HPSE2: variants seen among roughly 807,000 people sequenced by gnomAD.
HPSE2 encodes heparanase 2 (inactive), also known as inactive heparanase-2.
A neutral mutation model predicts 60.5 loss-of-function variants in HPSE2; 38 were observed. The ratio of observed to expected loss-of-function variants is 0.63; its 90% CI spans 0.48 to 0.82. The LOEUF is 0.82. Among genes scored for constraint, HPSE2 ranks in the 40% least tolerant of loss-of-function variants. The pLI is 0.00. For missense variants in HPSE2, 713 were observed against 740.4 expected, an observed-to-expected ratio of 0.96 and a Z score of 0.43; for synonymous variants, 295 against 293.2, an observed-to-expected ratio of 1.01 and a Z score of -0.06.
intron 3 of HPSE2, among the ~76,000 whole-genome samples, chr10:99,095,007 G>A (rs775355682): frequency 5.3e-5 from 8 of 152,036 alleles, no homozygotes; most frequent in Non-Finnish European, 1.2e-4. Flanking sequence ...GGGCAACAAA[G>A]TGAGACTCCA....
intron 3 of HPSE2, among the ~76,000 whole-genome samples, chr10:99,121,219 C>T (rs1844939737): frequency 6.6e-6 from 1 of 152,080 alleles, no homozygotes; most frequent in African/African-American, 2.4e-5. Context: ...CATGCTCTCA[C>T]TTACAAGTGG....
At chr10:98,611,002 C>T (rs892480484) in intron 9 of HPSE2, among the ~76,000 whole-genome samples, 5 of 152,218 alleles carry the variant, frequency 3.3e-5, no homozygotes, top group African/African-American at 1.2e-4. Flanking sequence ...ATGTGCAGAT[C>T]TCTTCTGCAC....
chr10:99,110,357 CA>C (rs1427554988), intron 3 of HPSE2, among the ~76,000 whole-genome samples: 1 of 152,152 alleles, frequency 6.6e-6, no homozygotes, highest in Non-Finnish European at 1.5e-5. Context: ...AGGGTATGTG[CA>C]AAAGCTCCAC....
Position 98,630,018 on chromosome 10 carries a change from C to A in HPSE2, c.1099-9310G>T, listed in dbSNP as rs549694297. On this transcript the variant is annotated intron_variant, in intron 7 of 11. Coordinates refer to ENST00000370552, the MANE Select transcript of HPSE2 (RefSeq NM_021828.5). ...AGACACGATAAAATAAAGTTGAGAACCACCGAACCACAGGATAAGATGCTA... is the reference window on the plus strand; with the variant it reads ...AGACACGATAAAATAAAGTTGAGAAACACCGAACCACAGGATAAGATGCTA... Among the ~76,000 whole-genome samples, 20 of 152,152 alleles carry A rather than the reference C, an allele frequency of 1.3e-4. No homozygotes were observed. In the South Asian group the frequency reaches 3.9e-3, roughly 30 times the overall value.
In HPSE2 at chr10:98,490,173, G is replaced by A. The variant is rs576517141; in HGVS notation, c.1344C>T (p.Tyr448=). ...PLPDYWLSLL[Y]KRLIGPKVLA... is the part of the protein sequence containing the mutation. ...AGACTTTGGGGCCGATCAGGCGCTT[G>A]TAGAGGAGAGAGAGCCAGTAGTCCT... Residue 448 remains tyrosine (Y), a synonymous_variant, in exon 10 of 12, where the codon TAC becomes TAT. Transcript: ENST00000370552. 3.9e-5 allele frequency: 63 copies of A among 1,614,186 alleles called. No individual in the cohort carries two copies. In the East Asian group the frequency reaches 7.6e-4, roughly 19 times the overall value.
chr10:99,026,211 G>A (rs1438073546), intron 3 of HPSE2, among the ~76,000 whole-genome samples: 2 of 151,940 alleles, frequency 1.3e-5, no homozygotes, highest in East Asian at 3.9e-4. Flanking sequence ...AAGAACCATT[G>A]ATCTGCTGCC....
At chr10:98,651,773 CTTT>C (rs35835305) in intron 6 of HPSE2, among the ~76,000 whole-genome samples, 1 of 142,676 alleles carries the variant, frequency 7.0e-6, no homozygotes, top group Non-Finnish European at 1.5e-5. Flanking sequence ...GAACTAGTTC[CTTT>C]TTTTTTTTTT....
chr10:99,128,290 A>G (rs1047283376), intron 3 of HPSE2, among the ~76,000 whole-genome samples: 9 of 152,298 alleles, frequency 5.9e-5, no homozygotes, highest in Non-Finnish European at 1.2e-4. Flanking sequence ...AAGACCTAGA[A>G]CCAGAAATAC....
Position 98,721,647 on chromosome 10 carries a change from T to A in HPSE2, c.956+10A>T, listed in dbSNP as rs1277948345. 2 of 1,612,412 alleles carry A rather than the reference T, an allele frequency of 1.2e-6. No homozygotes were observed. The highest frequency in any genetic ancestry group is 1.7e-6 in the Non-Finnish European group (2 of 1,179,114). ...CAATGTCATAAGAAAAGCTAAATAA[T>A]CTGACCTACCCATCTAGGAGGGCGA... On this transcript the variant is annotated intron_variant, in intron 5 of 11. Coordinates refer to ENST00000370552, the MANE Select transcript of HPSE2 (RefSeq NM_021828.5).
chr10:99,087,802 G>C (rs1843375279), intron 3 of HPSE2, among the ~76,000 whole-genome samples: 1 of 152,004 alleles, frequency 6.6e-6, no homozygotes, highest in Non-Finnish European at 1.5e-5. Flanking sequence ...AAAACAGGAA[G>C]TTTTATTTCA....
intron 3 of HPSE2, among the ~76,000 whole-genome samples, chr10:99,024,257 A>C (rs943687405): frequency 2.0e-5 from 3 of 152,230 alleles, no homozygotes; most frequent in African/African-American, 7.2e-5. Context: ...CATAAGAAAT[A>C]GCTTGAAGAC....
intron 2 of HPSE2, among the ~76,000 whole-genome samples, chr10:99,171,432 T>TG (rs912400819): frequency 2.0e-5 from 3 of 151,786 alleles, no homozygotes; most frequent in Non-Finnish European, 4.4e-5. Context: ...AATTTAGATG[T>TG]GGGAAAAAAA....
chr10:99,161,261 C>T (rs1173241801), intron 2 of HPSE2, among the ~76,000 whole-genome samples: 2 of 150,772 alleles, frequency 1.3e-5, no homozygotes, highest in Admixed American at 6.6e-5. Context: ...TTTATAGTAG[C>T]ATTATGCATA....
Position 98,936,453 on chromosome 10 carries a change from C to G in HPSE2, c.611-192397G>C, listed in dbSNP as rs1057367297. Among the ~76,000 whole-genome samples the G allele has an allele frequency of 5.6e-5, 8 of 143,034 alleles. 1 individual carries two copies. Among genetic ancestry groups the G allele is most frequent in the Admixed American group, 5.6e-4 (8 of 14,384 alleles). The allele number at this position is 143,034 out of a possible 152,430, so 93.8% of individuals were successfully genotyped here. A position where few individuals can be genotyped will look rare whatever the true frequency, so the allele number is the denominator to read the frequency against. Reference sequence around the variant, plus strand: ...AGGCTCACGAGGGAATCTCCTAATCCCCAGATAGCAAAAATCTTTGGGAAA... The same window carrying G: ...AGGCTCACGAGGGAATCTCCTAATCGCCAGATAGCAAAAATCTTTGGGAAA... On this transcript the variant is annotated intron_variant, in intron 3 of 11. Transcript: ENST00000370552.
At chr10:98,890,371 A>T (rs888071493) in intron 3 of HPSE2, among the ~76,000 whole-genome samples, 1 of 152,192 alleles carries the variant, frequency 6.6e-6, no homozygotes, top group African/African-American at 2.4e-5. Flanking sequence ...AGAATTAAGA[A>T]GCCATTAAAG....
intron 3 of HPSE2, among the ~76,000 whole-genome samples, chr10:99,041,780 AT>A (rs1339182754): frequency 2.0e-5 from 3 of 152,158 alleles, no homozygotes; most frequent in East Asian, 3.9e-4. Flanking sequence ...CTGGCCCTGC[AT>A]TTCTCTGGGA....
At chr10:99,180,353 A>G (rs1290787745) in intron 2 of HPSE2, among the ~76,000 whole-genome samples, 1 of 152,184 alleles carries the variant, frequency 6.6e-6, no homozygotes, top group Non-Finnish European at 1.5e-5. Context: ...TTTGCAATCT[A>G]TCCATCTGAC....
rs1589386931 is a variant in HPSE2 at position 98,934,063 on chromosome 10, G to A, written c.611-190007C>T. ...TCGTCTTTTTTTATCTTTGTTGGTT[G>A]AAAGTCTGTTTTGTCAGAAACTATG... is the stretch of plus-strand genomic sequence containing the variant. On this transcript the variant is annotated intron_variant, in intron 3 of 11. Transcript: ENST00000370552. Among the ~76,000 whole-genome samples, 2 of 143,152 alleles carry A rather than the reference G, an allele frequency of 1.4e-5. 1 individual carries two copies. Among genetic ancestry groups the A allele is most frequent in the African/African-American group, 5.7e-5 (2 of 35,184 alleles). 93.9% of individuals were successfully genotyped at this position (143,152 alleles called of 152,430 possible).
chr10:99,216,034 G>T (rs531626835), intron 2 of HPSE2, among the ~76,000 whole-genome samples: 112 of 152,254 alleles, frequency 7.4e-4, no homozygotes, highest in African/African-American at 2.5e-3. Context: ...TGATATTGTT[G>T]CTACTTCCAG....
Sources: gnomAD v4.1 joint callset for allele counts (sites outside exome capture counted in the v4.1 genomes callset) on GRCh38, gnomAD v4.1.1 for gene constraint, MANE v1.5 for transcripts, NCBI Gene and HGNC (gene_info 2026-07-23, HGNC 2026-07-21) for gene names.